Variants in LLCFC1 observed in about 807,000 individuals in gnomAD.
LLCFC1 encodes the protein sperm-oocyte fusion factor 1.
LLCFC1 carries 14 observed loss-of-function variants against 9.8 expected under a neutral mutation model. The ratio of observed to expected loss-of-function variants is 1.43; its 90% CI spans 0.95 to 2.24. LLCFC1 has a LOEUF of 2.24. Among genes scored for constraint, LLCFC1 ranks in the 30% most tolerant of loss-of-function variants. The pLI, the probability that LLCFC1 is intolerant of heterozygous loss-of-function variation, is 0.00. For synonymous variants in LLCFC1, 70 were observed against 58.8 expected, an observed-to-expected ratio of 1.19 and a Z score of -0.87; for missense variants, 162 against 148.0, an observed-to-expected ratio of 1.09 and a Z score of -0.49.
chr7:142,940,258 C>A, intron 1 of LLCFC1, 94 bp from the exon 2 acceptor site: 1 of 957,934 alleles, frequency 1.0e-6, no homozygotes, highest in Non-Finnish European at 1.6e-6. Context: ...GGGACTGCAG[C>A]CCTAGGCTTC....
intron 1 of LLCFC1, 76 bp downstream of exon 1, chr7:142,939,830 C>G: frequency 6.9e-7 from 1 of 1,459,720 alleles, no homozygotes; most frequent in African/African-American, 1.4e-5. Context: ...ACGGGAGAGT[C>G]TGGAGGCTCA....
In LLCFC1 at chr7:142,940,532, G is replaced by A. The variant is rs1280888370; in HGVS notation, c.314G>A (p.Gly105Glu). The A allele has an allele frequency of 3.7e-6, 6 of 1,614,006 alleles. No homozygotes were observed. In the African/African-American group the frequency reaches 6.7e-5, roughly 18 times the overall value. The change falls in exon 2 of 2, where the codon GGG (glycine) becomes GAG (glutamate). Residue 105 changes from glycine (G) to glutamate (E), a missense_variant. Coordinates refer to ENST00000409607, the MANE Select transcript of LLCFC1 (RefSeq NM_001382496.1). ...SLASVMVFSG[G>E]PLRRTFPNIQ... ...GCCAGTGTCATGGTTTTCTCAGGAG[G>A]GCCATTGAGGCGGACATTCCCAAAT...
At position 142,940,693 on chromosome 7, in the gene LLCFC1, T is replaced by TAC; in HGVS notation, c.*107_*108dup. On this transcript the variant is annotated 3_prime_UTR_variant, in exon 2 of 2. Transcript: ENST00000409607. ...GTATCTCAAGGTTCAGCAGCAGAGA[T>TAC]ACCAGTTGCCATCAGTGCTAACTGA... The TAC allele has an allele frequency of 2.0e-6, 2 of 998,566 alleles. No homozygotes were observed. Among genetic ancestry groups the TAC allele is most frequent in the Non-Finnish European group, 1.5e-6 (1 of 657,864 alleles). 61.9% of individuals were successfully genotyped at this position (998,566 alleles called of 1,614,324 possible).
chr7:142,939,568 T>A lies in LLCFC1; in HGVS notation c.-54T>A, dbSNP rs1796289977. 2 of 1,578,400 alleles carry A rather than the reference T, an allele frequency of 1.3e-6. No homozygotes were observed. Among genetic ancestry groups the A allele is most frequent in the East Asian group, 4.5e-5 (2 of 44,516 alleles). ...AGGAATGGGGCAGGAGGTGCACGGA[T>A]CCTGCTGGGCACTGGGAGCAGGGGG... On this transcript the variant is annotated 5_prime_UTR_variant, in exon 1 of 2. Coordinates refer to ENST00000409607, the MANE Select transcript of LLCFC1 (RefSeq NM_001382496.1).
At chr7:142,940,245 A>G (rs1796311526) in intron 1 of LLCFC1, 107 bp from the exon 2 acceptor site, 1 of 837,434 alleles carries the variant, frequency 1.2e-6, no homozygotes, top group South Asian at 1.6e-5. Context: ...GATATGGGCA[A>G]TTGGGACTGC....
chr7:142,940,341 C>T lies in LLCFC1; in HGVS notation c.134-11C>T. 1 of 1,609,706 alleles carries T rather than the reference C, an allele frequency of 6.2e-7. No homozygotes were observed. ...TCAGGGCTCAGTCCTTGTCCTTTTC[C>T]CCTGTTCCAGACCAGAATCAAGAAC... On this transcript the variant is annotated splice_polypyrimidine_tract_variant and intron_variant, in intron 1 of 1. Transcript: ENST00000409607.
chr7:142,939,625 C>A lies in LLCFC1; in HGVS notation c.4C>A (p.Pro2Thr), dbSNP rs746715848. ...AAGGCAGTGGGTGGGCAGGTCCATG[C>A]CTCCCCTGGCCCCCCAGCTCTGCAG... The part of the protein sequence containing the change: M[P>T]PLAPQLCRAV... The change falls in exon 1 of 2, where the codon CCT (proline) becomes ACT (threonine). Residue 2 changes from proline to threonine, a missense_variant. Physicochemically the swap from Pro to Thr is conservative, Grantham distance 38. Coordinates refer to ENST00000409607, the MANE Select transcript of LLCFC1 (RefSeq NM_001382496.1). The A allele has an allele frequency of 5.6e-6, 9 of 1,611,354 alleles. No homozygotes were observed. The highest frequency in any genetic ancestry group is 4.2e-6 in the Non-Finnish European group (5 of 1,178,750).
Position 142,940,438 on chromosome 7 carries a change from G to T in LLCFC1, c.220G>T (p.Glu74Ter). 1 of 1,614,072 alleles carries T rather than the reference G, an allele frequency of 6.2e-7. No homozygotes were observed. The highest frequency in any genetic ancestry group is 2.2e-5 in the East Asian group (1 of 44,874). The change falls in exon 2 of 2, where the codon GAA (glutamate) becomes TAA (stop). Residue 74 changes from glutamate to a stop codon, truncating the protein, a stop_gained. Coordinates refer to ENST00000409607, the MANE Select transcript of LLCFC1 (RefSeq NM_001382496.1). LOFTEE classifies it high-confidence loss of function. ...GGTGGTGGACATGGCCCAGCAGGAAGAAGACCAGTCGTCCAAGACGGCAGC... is the reference window on the plus strand; with the variant it reads ...GGTGGTGGACATGGCCCAGCAGGAATAAGACCAGTCGTCCAAGACGGCAGC... Reference protein sequence around the residue: ...WQVVDMAQQEEDQSSKTAAVH... With the variant: ...WQVVDMAQQE
In LLCFC1 at chr7:142,939,548, T is replaced by C; in HGVS notation, c.-74T>C. The C allele has an allele frequency of 6.4e-7, 1 of 1,551,640 alleles. No individual in the cohort carries two copies. The highest frequency in any genetic ancestry group is 2.0e-5 in the Admixed American group (1 of 50,708). On this transcript the variant is annotated 5_prime_UTR_variant, in exon 1 of 2. It removes an upstream start codon present in the reference 5' UTR. Coordinates refer to ENST00000409607, the MANE Select transcript of LLCFC1 (RefSeq NM_001382496.1). ...AAAGGGTTAAGGGCCAGGACAGGAA[T>C]GGGGCAGGAGGTGCACGGATCCTGC...
At position 142,940,264 on chromosome 7, in the gene LLCFC1, GCTTCAACGTGTTTTTCCTATTCTAA is replaced by G. The variant is rs1446304233; in HGVS notation, c.134-83_134-59del. Reference sequence around the variant, plus strand: ...TGGGCAATTGGGACTGCAGCCCTAGGCTTCAACGTGTTTTTCCTATTCTAACTTCTCCTTTCTGGTTCAGGCCAGG... The same window carrying G: ...TGGGCAATTGGGACTGCAGCCCTAGGCTTCTCCTTTCTGGTTCAGGCCAGG... On this transcript the variant is annotated intron_variant, in intron 1 of 1. Transcript: ENST00000409607. 517 of 1,019,856 alleles carry G rather than the reference GCTTCAACGTGTTTTTCCTATTCTAA, an allele frequency of 5.1e-4. 1 individual carries two copies. The highest frequency in any genetic ancestry group is 1.1e-3 in the Middle Eastern group (5 of 4,362). 63.2% of individuals were successfully genotyped at this position (1,019,856 alleles called of 1,614,324 possible). A position where few individuals can be genotyped will look rare whatever the true frequency, so the allele number is the denominator to read the frequency against.
chr7:142,940,323 T>C, intron 1 of LLCFC1, 29 bp from the exon 2 acceptor site: 1 of 1,581,192 alleles, frequency 6.3e-7, no homozygotes, highest in South Asian at 1.1e-5. Flanking sequence ...GGGTCAGGGC[T>C]CAGTCCTTGT....
In LLCFC1 at chr7:142,940,485, C is replaced by T. The variant is rs1033438787; in HGVS notation, c.267C>T (p.His89=). 1 of 1,614,202 alleles carries T rather than the reference C, an allele frequency of 6.2e-7. No homozygotes were observed. The highest frequency in any genetic ancestry group is 8.5e-7 in the Non-Finnish European group (1 of 1,180,052). The change falls in exon 2 of 2, where the codon CAC becomes CAT. Residue 89 remains histidine, a synonymous_variant. Transcript: ENST00000409607. ...KTAAVHKHSF[H]LSFCFSLASV... is the part of the protein sequence containing the mutation. ...CAGCTGTTCACAAGCACTCTTTCCA[C>T]CTCAGCTTCTGCTTTAGTCTGGCCA...
chr7:142,939,638 C>T lies in LLCFC1; in HGVS notation c.17C>T (p.Pro6Leu), dbSNP rs763581038. 33 of 1,613,362 alleles carry T rather than the reference C, an allele frequency of 2.0e-5. No homozygotes were observed. Among genetic ancestry groups the T allele is most frequent in the Non-Finnish European group, 5.1e-6 (6 of 1,179,682 alleles). ...GGCAGGTCCATGCCTCCCCTGGCCC[C>T]CCAGCTCTGCAGGGCAGTGTTCCTG... The part of the protein sequence containing the change: MPPLA[P>L]QLCRAVFLVP... The change falls in exon 1 of 2, where the codon CCC becomes CTC. Residue 6 changes from proline to leucine, a missense_variant. Pro to Leu is a moderately conservative substitution (Grantham distance 98, BLOSUM62 -3). Transcript: ENST00000409607.
Position 142,939,685 on chromosome 7 carries a change from C to A in LLCFC1, c.64C>A (p.Gln22Lys). Residue 22 changes from glutamine to lysine, a missense_variant, in exon 1 of 2, where the codon CAG (glutamine) becomes AAG (lysine). Physicochemically the swap from Gln to Lys is moderately conservative, Grantham distance 53. Transcript: ENST00000409607. ...CCTGGTTCCTATCTTGCTGCTGCTG[C>A]AGGTGAAGCCTCTGAACGGGAGCCC... is the stretch of plus-strand genomic sequence containing the variant. Reference protein sequence around the residue: ...VFLVPILLLLQVKPLNGSPGP... With the variant: ...VFLVPILLLLKVKPLNGSPGP... 6.2e-7 allele frequency: 1 copy of A among 1,614,184 alleles called. No individual in the cohort carries two copies. The highest frequency in any genetic ancestry group is 8.5e-7 in the Non-Finnish European group (1 of 1,180,022).
chr7:142,940,687 CAG>C lies in LLCFC1; in HGVS notation c.*104_*105del, dbSNP rs1796327604. ...ATCACTGTATCTCAAGGTTCAGCAG[CAG>C]AGATACCAGTTGCCATCAGTGCTAA... On this transcript the variant is annotated 3_prime_UTR_variant, in exon 2 of 2. Transcript: ENST00000409607. 10 of 1,022,020 alleles carry C rather than the reference CAG, an allele frequency of 9.8e-6. No homozygotes were observed. The highest frequency in any genetic ancestry group is 1.5e-5 in the Non-Finnish European group (10 of 675,570). The allele number at this position is 1,022,020 out of a possible 1,614,324, so 63.3% of individuals were successfully genotyped here.
rs947924957 is a variant in LLCFC1 at position 142,940,511 on chromosome 7, G to C, written c.293G>C (p.Ser98Thr). ...CTCAGCTTCTGCTTTAGTCTGGCCA[G>C]TGTCATGGTTTTCTCAGGAGGGCCA... ...FHLSFCFSLA[S>T]VMVFSGGPLR... The change falls in exon 2 of 2, where the codon AGT (serine) becomes ACT (threonine). Residue 98 changes from serine (S) to threonine (T), a missense_variant. By Grantham distance (58) the Ser-to-Thr change is moderately conservative. Transcript: ENST00000409607. The C allele has an allele frequency of 3.1e-6, 5 of 1,614,200 alleles. No individual in the cohort carries two copies. The highest frequency in any genetic ancestry group is 4.2e-6 in the Non-Finnish European group (5 of 1,180,046).
Position 142,939,648 on chromosome 7 carries a change from C to T in LLCFC1, c.27C>T (p.Cys9=). Residue 9 remains cysteine, a synonymous_variant, in exon 1 of 2, where the codon TGC becomes TGT. Coordinates refer to ENST00000409607, the MANE Select transcript of LLCFC1 (RefSeq NM_001382496.1). MPPLAPQL[C]RAVFLVPILL... ...TGCCTCCCCTGGCCCCCCAGCTCTG[C>T]AGGGCAGTGTTCCTGGTTCCTATCT... 1 of 1,613,870 alleles carries T rather than the reference C, an allele frequency of 6.2e-7. No homozygotes were observed. The highest frequency in any genetic ancestry group is 8.5e-7 in the Non-Finnish European group (1 of 1,179,866).
rs1405743954 is a variant in LLCFC1 at position 142,940,527 on chromosome 7, A to G, written c.309A>G (p.Ser103=). ...GTCTGGCCAGTGTCATGGTTTTCTC[A>G]GGAGGGCCATTGAGGCGGACATTCC... The part of the protein sequence containing the change: ...CFSLASVMVF[S]GGPLRRTFPN... The change falls in exon 2 of 2, where the codon TCA becomes TCG. Residue 103 remains serine (S), a synonymous_variant. Transcript: ENST00000409607. 1 of 1,614,162 alleles carries G rather than the reference A, an allele frequency of 6.2e-7. No homozygotes were observed. Among genetic ancestry groups the G allele is most frequent in the Non-Finnish European group, 8.5e-7 (1 of 1,180,028 alleles).
Position 142,939,735 on chromosome 7 carries a change from A to G in LLCFC1, c.114A>G (p.Thr38=). The change falls in exon 1 of 2, where the codon ACA becomes ACG. Residue 38 remains threonine (T), a synonymous_variant. Coordinates refer to ENST00000409607, the MANE Select transcript of LLCFC1 (RefSeq NM_001382496.1). ...CAGGCCCCAAAGATGGGAGCCAGACAGAGAAAACGCCCTCTGCAGGTAGGT... is the reference window on the plus strand; with the variant it reads ...CAGGCCCCAAAGATGGGAGCCAGACGGAGAAAACGCCCTCTGCAGGTAGGT... ...GSPGPKDGSQ[T]EKTPSADQNQ... The G allele has an allele frequency of 6.2e-7, 1 of 1,612,324 alleles. No homozygotes were observed. The highest frequency in any genetic ancestry group is 8.5e-7 in the Non-Finnish European group (1 of 1,179,372).
Sources: allele counts gnomAD v4.1 joint callset, GRCh38; gene constraint gnomAD v4.1.1; transcripts MANE v1.5; gene names NCBI Gene and HGNC (gene_info 2026-07-23, HGNC 2026-07-21).